FMN2: variants seen among roughly 807,000 people sequenced by gnomAD.
The protein encoded by FMN2 is formin-2.
FMN2 carries 51 observed loss-of-function variants against 142.3 expected under a neutral mutation model. That is an observed-to-expected ratio of 0.36 (90% confidence interval 0.29 to 0.45). The LOEUF is 0.45. FMN2 is among the 20% of genes least tolerant of loss of function. The pLI, the probability that FMN2 is intolerant of heterozygous loss-of-function variation, is 1.00. For synonymous variants in FMN2, 882 were observed against 869.8 expected (o/e 1.01, Z -0.25); for missense variants, 1,936 against 2,122.8 (o/e 0.91, Z 1.73).
intron 16 of FMN2, among the ~76,000 whole-genome samples, chr1:240,440,190 C>CTCCCCG (rs1388366587): frequency 6.6e-6 from 1 of 152,150 alleles, no homozygotes; most frequent in African/African-American, 2.4e-5. Context: ...GCTGGACACC[C>CTCCCCG]TCCCTGTCGC....
chr1:240,197,305 C>T (rs1356994332), intron 4 of FMN2, among the ~76,000 whole-genome samples: 1 of 152,176 alleles, frequency 6.6e-6, no homozygotes, highest in East Asian at 1.9e-4. Flanking sequence ...AAGCCTCTCC[C>T]CATCCATCTC....
chr1:240,317,082 T>C (rs1274935655), intron 8 of FMN2, among the ~76,000 whole-genome samples: 2 of 152,096 alleles, frequency 1.3e-5, no homozygotes, highest in African/African-American at 2.4e-5. Flanking sequence ...TGAGGCGGGC[T>C]GATCACGAGG....
At chr1:240,099,079 T>C (rs998600072) in intron 1 of FMN2, among the ~76,000 whole-genome samples, 3 of 152,158 alleles carry the variant, frequency 2.0e-5, no homozygotes, top group Non-Finnish European at 2.9e-5. Flanking sequence ...TTCAAATTAA[T>C]ACTATTAAGA....
intron 2 of FMN2, among the ~76,000 whole-genome samples, chr1:240,123,724 A>G (rs993497663): frequency 9.9e-5 from 15 of 152,196 alleles, no homozygotes; most frequent in African/African-American, 3.6e-4. Flanking sequence ...AGTGGCATCA[A>G]ATACATTGAC....
At chr1:240,293,459 G>A (rs1378232715) in intron 7 of FMN2, among the ~76,000 whole-genome samples, 1 of 152,142 alleles carries the variant, frequency 6.6e-6, no homozygotes, top group African/African-American at 2.4e-5. Context: ...ATTGAAAGAA[G>A]ATAATTCCAT....
intron 15 of FMN2, among the ~76,000 whole-genome samples, chr1:240,435,051 T>C (rs1355010142): frequency 6.6e-6 from 1 of 152,148 alleles, no homozygotes; most frequent in Non-Finnish European, 1.5e-5. Flanking sequence ...ATGCCAATAA[T>C]AAGGTTCACA....
intron 16 of FMN2, among the ~76,000 whole-genome samples, chr1:240,439,212 G>T (rs1675513463): frequency 1.4e-5 from 2 of 147,466 alleles, no homozygotes; most frequent in Admixed American, 1.4e-4. Flanking sequence ...GGCGGAGGTT[G>T]CAGTGAGCCG....
intron 15 of FMN2, among the ~76,000 whole-genome samples, chr1:240,402,456 G>T (rs1674024390): frequency 1.3e-5 from 2 of 152,218 alleles, no homozygotes; most frequent in African/African-American, 4.8e-5. Flanking sequence ...TAAGGCGGCT[G>T]GGCAGATGAG....
intron 1 of FMN2, among the ~76,000 whole-genome samples, chr1:240,116,384 A>G (rs1662022537): frequency 6.6e-6 from 1 of 152,150 alleles, no homozygotes; most frequent in Admixed American, 6.5e-5. Flanking sequence ...GAATATAGAA[A>G]GAGTTGAGAG....
chr1:240,191,231 T>G (rs570374532), intron 4 of FMN2, among the ~76,000 whole-genome samples: 1 of 152,324 alleles, frequency 6.6e-6, no homozygotes, highest in South Asian at 2.1e-4. Context: ...ATTGAATGAG[T>G]TTTGACTTTT....
At chr1:240,177,612 T>C (rs1664972822) in intron 2 of FMN2, among the ~76,000 whole-genome samples, 1 of 152,136 alleles carries the variant, frequency 6.6e-6, no homozygotes, top group Non-Finnish European at 1.5e-5. Context: ...TGATTGACTG[T>C]CTGGACTATC....
At chr1:240,145,332 G>C in intron 2 of FMN2, 1 of 970,168 alleles carries the variant, frequency 1.0e-6, no homozygotes, top group Non-Finnish European at 1.5e-6. Context: ...GCTGGGGGCT[G>C]CTGGGACTGC....
intron 6 of FMN2, among the ~76,000 whole-genome samples, chr1:240,212,784 A>T (rs773313643): frequency 6.6e-6 from 1 of 152,102 alleles, no homozygotes; most frequent in African/African-American, 2.4e-5. Context: ...CTGGGCGAGG[A>T]ATATGGGTGG....
At chr1:240,131,541 C>T (rs1662736809) in intron 2 of FMN2, among the ~76,000 whole-genome samples, 1 of 152,038 alleles carries the variant, frequency 6.6e-6, no homozygotes, top group South Asian at 2.1e-4. Context: ...AAACCCCCGC[C>T]TCTACTAAAA....
At chr1:240,269,220 G>C (rs1668911609) in intron 7 of FMN2, among the ~76,000 whole-genome samples, 1 of 151,950 alleles carries the variant, frequency 6.6e-6, no homozygotes, top group African/African-American at 2.4e-5. Context: ...ATTCTTTTAT[G>C]AAGGATGAAA....
Position 240,225,880 on chromosome 1 carries a change from A to G in FMN2, c.4065+14645A>G, listed in dbSNP as rs570638845. On this transcript the variant is annotated intron_variant, in intron 6 of 17. Coordinates refer to ENST00000319653, the MANE Select transcript of FMN2 (RefSeq NM_020066.5). ...TAGATTGACATTATAAAATAATTCT[A>G]GAGTTAAAAGTACAATAACCAAAAT... 3.3e-5 allele frequency among the ~76,000 whole-genome samples: 5 copies of G among 152,356 alleles called. No individual in the cohort carries two copies. In the South Asian group the frequency reaches 1.0e-3, roughly 32 times the overall value.
chr1:240,430,845 A>G (rs1039637651), intron 15 of FMN2, among the ~76,000 whole-genome samples: 2 of 152,032 alleles, frequency 1.3e-5, no homozygotes, highest in African/African-American at 4.8e-5. Context: ...CTATTAATGT[A>G]GCTTTATAAT....
intron 6 of FMN2, among the ~76,000 whole-genome samples, chr1:240,237,853 T>G (rs1405912099): frequency 6.6e-6 from 1 of 152,182 alleles, no homozygotes; most frequent in Non-Finnish European, 1.5e-5. Flanking sequence ...CTTTGCCTAC[T>G]TGCTGCCTTA....
chr1:240,265,334 C>A (rs1393005375), intron 7 of FMN2, among the ~76,000 whole-genome samples: 2 of 151,972 alleles, frequency 1.3e-5, no homozygotes, highest in Non-Finnish European at 2.9e-5. Flanking sequence ...TTGATTGAAC[C>A]AAGCAAAGAA....
Sources: allele counts gnomAD v4.1 joint callset (sites outside exome capture counted in the v4.1 genomes callset), GRCh38; gene constraint gnomAD v4.1.1; transcripts MANE v1.5; gene names NCBI Gene and HGNC (gene_info 2026-07-23, HGNC 2026-07-21).